The following CSMD1 variants were observed in gnomAD, a reference collection of about 807,000 sequenced individuals.
The protein encoded by CSMD1 is CUB and Sushi multiple domains 1, also known as CUB and sushi domain-containing protein 1.
CSMD1 carries 213 observed loss-of-function variants against 417.5 expected under a neutral mutation model. The ratio of observed to expected loss-of-function variants is 0.51; its 90% CI spans 0.46 to 0.57. CSMD1 has a LOEUF of 0.57. Among genes scored for constraint, CSMD1 ranks in the 20% least tolerant of loss-of-function variants. The pLI, the probability that CSMD1 is intolerant of heterozygous loss-of-function variation, is 0.00. For synonymous variants in CSMD1, 2,862 were observed against 1,736.8 expected (o/e 1.65, Z -16.11); for missense variants, 6,923 against 4,529.7 (o/e 1.53, Z -15.17).
At chr8:4,382,757 T>C (rs1225483504) in intron 3 of CSMD1, among the ~76,000 whole-genome samples, 2 of 152,226 alleles carry the variant, frequency 1.3e-5, no homozygotes, top group Non-Finnish European at 2.9e-5. Flanking sequence ...AAACATTCTG[T>C]GTCTAAAAGA....
At chr8:4,085,521 C>T (rs760540818) in intron 3 of CSMD1, among the ~76,000 whole-genome samples, 7 of 152,080 alleles carry the variant, frequency 4.6e-5, no homozygotes, top group Non-Finnish European at 8.8e-5. Context: ...TAAATTTTAT[C>T]CTATCCGTTC....
chr8:2,990,901 C>T (rs772485609), intron 54 of CSMD1, among the ~76,000 whole-genome samples: 15 of 152,200 alleles, frequency 9.9e-5, no homozygotes, highest in Non-Finnish European at 1.9e-4. Flanking sequence ...GGCATCATCC[C>T]AGGGAAGCGC....
At chr8:3,676,171 A>T (rs889666980) in intron 7 of CSMD1, among the ~76,000 whole-genome samples, 5 of 152,158 alleles carry the variant, frequency 3.3e-5, no homozygotes, top group Non-Finnish European at 7.3e-5. Flanking sequence ...CTTCTGCTCA[A>T]TTTTATAGTC....
At chr8:4,711,661 T>G (rs575660908) in intron 1 of CSMD1, among the ~76,000 whole-genome samples, 2 of 43,460 alleles carry the variant, frequency 4.6e-5, no homozygotes, top group South Asian at 2.0e-3. Flanking sequence ...TTCTTTACTG[T>G]AGGTAAATTT....
chr8:3,470,522 T>G (rs1585212090), intron 11 of CSMD1, among the ~76,000 whole-genome samples: 1 of 152,174 alleles, frequency 6.6e-6, no homozygotes, highest in African/African-American at 2.4e-5. Context: ...TTCCCTGTTT[T>G]ATTCGTATTT....
intron 10 of CSMD1, among the ~76,000 whole-genome samples, chr8:3,496,117 T>C (rs1402602993): frequency 6.6e-6 from 1 of 152,164 alleles, no homozygotes; most frequent in African/African-American, 2.4e-5. Context: ...GTTCATGTGT[T>C]CTCATTGTTC....
At chr8:3,874,814 C>G (rs1014257233) in intron 5 of CSMD1, among the ~76,000 whole-genome samples, 1 of 151,984 alleles carries the variant, frequency 6.6e-6, no homozygotes, top group African/African-American at 2.4e-5. Context: ...AGGACACACA[C>G]CAAAGACGGG....
intron 3 of CSMD1, among the ~76,000 whole-genome samples, chr8:4,238,347 C>G (rs1446814719): frequency 1.3e-5 from 2 of 152,196 alleles, no homozygotes; most frequent in African/African-American, 2.4e-5. Context: ...GGTCCTCCAG[C>G]TCCCAGCAAG....
chr8:3,734,577 G>T (rs1269677005), intron 6 of CSMD1, among the ~76,000 whole-genome samples: 4 of 152,166 alleles, frequency 2.6e-5, no homozygotes, highest in Admixed American at 2.6e-4. Flanking sequence ...TAGGCCTGGT[G>T]GCGGGCACCT....
chr8:4,939,420 C>A (rs77882620), intron 1 of CSMD1, among the ~76,000 whole-genome samples: 3 of 151,988 alleles, frequency 2.0e-5, no homozygotes, highest in African/African-American at 7.2e-5. Flanking sequence ...ACAGGTGAAT[C>A]GATAAAGAAA....
At chr8:4,182,034 G>C (rs1798408068) in intron 3 of CSMD1, among the ~76,000 whole-genome samples, 1 of 118,578 alleles carries the variant, frequency 8.4e-6, no homozygotes, top group Non-Finnish European at 2.0e-5. Context: ...CCGTGTGTGT[G>C]TGTGTGTGTC....
intron 3 of CSMD1, among the ~76,000 whole-genome samples, chr8:4,304,517 G>A (rs7461820): frequency 0.67 from 101,150 of 152,064 alleles, 34,598 homozygotes; most frequent in East Asian, 0.85. Flanking sequence ...CTGTTTCAGT[G>A]TCAGGACTGG....
chr8:4,746,820 C>CAG (rs2117030312), intron 1 of CSMD1, among the ~76,000 whole-genome samples: 1 of 152,244 alleles, frequency 6.6e-6, no homozygotes, highest in South Asian at 2.1e-4. Flanking sequence ...GGTTCTCTCT[C>CAG]AGAGAAAAAT....
At chr8:3,101,582 C>G (rs1324101735) in intron 46 of CSMD1, among the ~76,000 whole-genome samples, 1 of 151,860 alleles carries the variant, frequency 6.6e-6, no homozygotes, top group Non-Finnish European at 1.5e-5. Context: ...ACAACCATGC[C>G]TGGCTAATTT....
At chr8:3,905,710 C>T (rs181145408) in intron 5 of CSMD1, among the ~76,000 whole-genome samples, 245 of 152,276 alleles carry the variant, frequency 1.6e-3, no homozygotes, top group African/African-American at 5.8e-3. Flanking sequence ...TCTCCTTATC[C>T]ACATCCAAGT....
intron 4 of CSMD1, among the ~76,000 whole-genome samples, chr8:4,028,126 G>T (rs916433033): frequency 1.3e-5 from 2 of 151,974 alleles, no homozygotes; most frequent in Non-Finnish European, 2.9e-5. Context: ...ATAAACTTCA[G>T]GAACATGAAG....
chr8:4,350,871 T>C (rs368354609), intron 3 of CSMD1, among the ~76,000 whole-genome samples: 350 of 152,332 alleles, frequency 2.3e-3, no homozygotes, highest in South Asian at 0.02. Flanking sequence ...CTAGTTCCGG[T>C]GGATGGAGGG....
intron 3 of CSMD1, among the ~76,000 whole-genome samples, chr8:4,035,297 G>A (rs2130598835): frequency 6.6e-6 from 1 of 152,260 alleles, no homozygotes; most frequent in African/African-American, 2.4e-5. Flanking sequence ...TAGGTTCACT[G>A]CATATGCTTG....
At chr8:4,757,934 TG>T (rs1418179213) in intron 1 of CSMD1, among the ~76,000 whole-genome samples, 4 of 126,948 alleles carry the variant, frequency 3.2e-5, no homozygotes, top group African/African-American at 1.2e-4. Context: ...CACTCCATCC[TG>T]GGCAACAGAG....
Sources: gnomAD v4.1 joint callset for allele counts (sites outside exome capture counted in the v4.1 genomes callset) on GRCh38, gnomAD v4.1.1 for gene constraint, MANE v1.5 for transcripts, NCBI Gene and HGNC (gene_info 2026-07-23, HGNC 2026-07-21) for gene names.